The following EPS15L1 variants were observed in gnomAD, a reference collection of about 807,000 sequenced individuals.
EPS15L1 encodes the protein epidermal growth factor receptor pathway substrate 15 like 1, also known as epidermal growth factor receptor substrate 15-like 1.
In EPS15L1, 43 loss-of-function variants were observed where a neutral mutation model predicts 117.1. The ratio of observed to expected loss-of-function variants is 0.37; its 90% CI spans 0.29 to 0.47. EPS15L1 has a LOEUF of 0.47. Among genes scored for constraint, EPS15L1 ranks in the 20% least tolerant of loss-of-function variants. The pLI is 0.99. For missense variants in EPS15L1, 981 were observed against 1,164.0 expected (o/e 0.84, Z 2.29); for synonymous variants, 459 against 470.5 (o/e 0.98, Z 0.32).
rs2093345410 is a variant in EPS15L1 at position 16,471,431 on chromosome 19, G to A, written c.33+482C>T. Among the ~76,000 whole-genome samples the A allele has an allele frequency of 6.6e-6, 1 of 152,226 alleles. No individual in the cohort carries two copies. Among genetic ancestry groups the A allele is most frequent in the South Asian group, 2.1e-4 (1 of 4,834 alleles). On this transcript the variant is annotated intron_variant, in intron 1 of 23. Transcript: ENST00000455140. The surrounding 1 kb of genome is among the most constrained non-coding windows in gnomAD (Gnocchi z 4.8). ...ATCTGCGCCCGGTGCAGGGGTGGCG[G>A]AAGCAGCTTCCAAGGAGGCAGGGGA...
intron 13 of EPS15L1, among the ~76,000 whole-genome samples, chr19:16,412,512 A>C (rs930541960): frequency 3.9e-5 from 6 of 151,942 alleles, no homozygotes; most frequent in African/African-American, 1.2e-4. Context: ...AAAAAAAGAA[A>C]AAAAAATCTT....
chr19:16,433,693 G>A (rs1568447833), intron 7 of EPS15L1, among the ~76,000 whole-genome samples: 1 of 151,810 alleles, frequency 6.6e-6, no homozygotes, highest in Non-Finnish European at 1.5e-5. Context: ...AAGCCCGGGT[G>A]TGGTGGCTCA....
intron 17 of EPS15L1, 107 bp from the exon 18 acceptor site, chr19:16,394,108 C>T: frequency 5.3e-6 from 5 of 944,432 alleles, no homozygotes; most frequent in Non-Finnish European, 7.0e-6. Context: ...CCTTCTACTC[C>T]TCCAGTGTAG....
chr19:16,391,064 C>T (rs1450860253), intron 19 of EPS15L1, among the ~76,000 whole-genome samples: 1 of 152,134 alleles, frequency 6.6e-6, no homozygotes, highest in Non-Finnish European at 1.5e-5. Context: ...CTCGATAAAA[C>T]TATTGTAAAG....
At chr19:16,452,307 G>C (rs560875917) in intron 1 of EPS15L1, among the ~76,000 whole-genome samples, 2 of 151,908 alleles carry the variant, frequency 1.3e-5, no homozygotes, top group African/African-American at 4.8e-5. Flanking sequence ...TTAGCCAAGC[G>C]TGGTGGCAGG....
chr19:16,459,358 G>A (rs942479110), intron 1 of EPS15L1, among the ~76,000 whole-genome samples: 1 of 152,224 alleles, frequency 6.6e-6, no homozygotes, highest in Admixed American at 6.5e-5. Flanking sequence ...AAAAGCTGCT[G>A]TAATGACCGG....
intron 23 of EPS15L1, among the ~76,000 whole-genome samples, chr19:16,361,100 A>T (rs1670324717): frequency 6.6e-6 from 1 of 152,184 alleles, no homozygotes. Flanking sequence ...ACAGAGAAAA[A>T]CAAAGCCAGG....
chr19:16,413,541 C>A, intron 13 of EPS15L1: 1 of 723,820 alleles, frequency 1.4e-6, no homozygotes, highest in Non-Finnish European at 2.3e-6. Context: ...AGTCTCCATG[C>A]AGAGCACCCA....
chr19:16,355,630 T>C lies in EPS15L1; in HGVS notation c.*75A>G. On this transcript the variant is annotated 3_prime_UTR_variant, in exon 24 of 24. Transcript: ENST00000455140. The stretch of plus-strand genomic sequence containing the variant: ...GAGTACGGTGGCGACGGTGTGTGTG[T>C]GTATATATAGACATCTGCACTGCCC... The C allele has an allele frequency of 1.4e-6, 2 of 1,466,132 alleles. No individual in the cohort carries two copies. Among genetic ancestry groups the C allele is most frequent in the Non-Finnish European group, 1.8e-6 (2 of 1,096,484 alleles). The allele number at this position is 1,466,132 out of a possible 1,614,324, so 90.8% of individuals were successfully genotyped here.
intron 6 of EPS15L1, 108 bp from the exon 7 acceptor site, chr19:16,434,598 C>T: frequency 8.3e-7 from 1 of 1,208,954 alleles, no homozygotes; most frequent in Non-Finnish European, 1.2e-6. Context: ...CCCATCATCA[C>T]CCTTGGCTAA....
intron 22 of EPS15L1, 86 bp downstream of exon 22, chr19:16,377,035 TA>T: frequency 6.8e-7 from 1 of 1,470,148 alleles, no homozygotes; most frequent in Non-Finnish European, 9.1e-7. Flanking sequence ...CATCTGCTGC[TA>T]CTCTGGGCTG....
At position 16,413,840 on chromosome 19, in the gene EPS15L1, T is replaced by A; in HGVS notation, c.1199A>T (p.Lys400Ile). The A allele has an allele frequency of 1.2e-6, 2 of 1,611,916 alleles. No homozygotes were observed. Among genetic ancestry groups the A allele is most frequent in the Non-Finnish European group, 1.7e-6 (2 of 1,177,930 alleles). ...SQEIAQLQRE[K>I]YSLEQDIREK... ...TCGAATGTCTTGTTCCAGTGAATATTTCTCTCTGAATGTTTAAAAATATTT... is the reference window on the plus strand; with the variant it reads ...TCGAATGTCTTGTTCCAGTGAATATATCTCTCTGAATGTTTAAAAATATTT... Residue 400 changes from lysine to isoleucine, a missense_variant, in exon 13 of 24, where the codon AAA becomes ATA. Around this residue, in one of 5 missense-constraint regions of EPS15L1, gnomAD observed 819 missense variants for 949.0 expected, o/e 0.86. Coordinates refer to ENST00000455140, the MANE Select transcript of EPS15L1 (RefSeq NM_001258374.3).
In EPS15L1 at chr19:16,363,255, C is replaced by T. The variant is rs571800989; in HGVS notation, c.2381-1271G>A. Reference sequence around the variant, plus strand: ...ACTGGAAGCTCAATAATATGCAACACGATTCCGGCGTGTTAACTCTGGAAG... The same window carrying T: ...ACTGGAAGCTCAATAATATGCAACATGATTCCGGCGTGTTAACTCTGGAAG... On this transcript the variant is annotated intron_variant, in intron 22 of 23. Coordinates refer to ENST00000455140, the MANE Select transcript of EPS15L1 (RefSeq NM_001258374.3). Among the ~76,000 whole-genome samples, 4 of 152,320 alleles carry T rather than the reference C, an allele frequency of 2.6e-5. No individual in the cohort carries two copies. In the East Asian group the frequency reaches 7.7e-4, roughly 29 times the overall value.
chr19:16,471,724 C>A lies in EPS15L1; in HGVS notation c.33+189G>T, dbSNP rs1184750081. ...CTCGCCGGTGCCCGCGAGGGTCGCT[C>A]GGGCACGGGAGGCCGCGGGTCCCGG... On this transcript the variant is annotated intron_variant, in intron 1 of 23. Coordinates refer to ENST00000455140, the MANE Select transcript of EPS15L1 (RefSeq NM_001258374.3). This position sits in a 1 kb window ranked among gnomAD's most constrained non-coding sequence, Gnocchi z 4.8. Among the ~76,000 whole-genome samples the A allele has an allele frequency of 6.6e-6, 1 of 151,748 alleles. No individual in the cohort carries two copies. The highest frequency in any genetic ancestry group is 1.5e-5 in the Non-Finnish European group (1 of 67,820).
At chr19:16,459,791 G>A (rs1342152323) in intron 1 of EPS15L1, among the ~76,000 whole-genome samples, 2 of 152,172 alleles carry the variant, frequency 1.3e-5, no homozygotes, top group Admixed American at 6.6e-5. Flanking sequence ...GGGCGGGGAG[G>A]GAGGTCAGGC....
intron 18 of EPS15L1, among the ~76,000 whole-genome samples, chr19:16,393,260 A>C (rs1290513895): frequency 6.6e-6 from 1 of 152,006 alleles, no homozygotes; most frequent in Non-Finnish European, 1.5e-5. Flanking sequence ...AACTAGATGA[A>C]GGTGATCATT....
At chr19:16,400,171 T>A (rs1202715579) in intron 16 of EPS15L1, among the ~76,000 whole-genome samples, 1 of 151,998 alleles carries the variant, frequency 6.6e-6, no homozygotes, top group Non-Finnish European at 1.5e-5. Context: ...ACCTCGTCTC[T>A]ACTAAAAATA....
intron 3 of EPS15L1, 197 bp from the exon 4 acceptor site, chr19:16,441,106 G>A (rs2093027268): frequency 3.2e-6 from 2 of 625,838 alleles, no homozygotes; most frequent in Non-Finnish European, 5.7e-6. Context: ...CAGCGGCAGG[G>A]CCCAGAGGAC....
At chr19:16,395,543 A>G in intron 16 of EPS15L1, 76 bp from the exon 17 acceptor site, 1 of 1,436,186 alleles carries the variant, frequency 7.0e-7, no homozygotes. Context: ...TCCATACTTA[A>G]CTCACATTTC....
Sources: gnomAD v4.1 joint callset for allele counts (sites outside exome capture counted in the v4.1 genomes callset) on GRCh38, gnomAD v4.1.1 for gene constraint, gnomAD v4.1.1 regional missense constraint, Gnocchi (gnomAD v3.1) non-coding constraint, MANE v1.5 for transcripts, NCBI Gene and HGNC (gene_info 2026-07-23, HGNC 2026-07-21) for gene names.